Variants in PGCKA1 observed in about 807,000 individuals in gnomAD.
PGCKA1 encodes PDCD10 and GCKIII kinases associated 1.
At chr4:37,464,604 G>T in the PGCKA1 span, among the ~76,000 whole-genome samples, 9 of 152,166 alleles carry the variant, frequency 5.9e-5, no homozygotes, top group African/African-American at 1.9e-4. Flanking sequence ...TGAGGGAGGG[G>T]CTCAAACTAC....
At chr4:37,468,806 TCCAATAGTTAATTC>T in the PGCKA1 span, among the ~76,000 whole-genome samples, 1 of 151,966 alleles carries the variant, frequency 6.6e-6, no homozygotes, top group African/African-American at 2.4e-5. Flanking sequence ...AGTTTTCTTT[TCCAATAGTTAATTC>T]TGTGCGGGTT....
the PGCKA1 span, among the ~76,000 whole-genome samples, chr4:37,519,450 T>C: frequency 1.3e-5 from 2 of 152,178 alleles, no homozygotes; most frequent in African/African-American, 4.8e-5. Context: ...TCACCAATGT[T>C]TTATAGTTTT....
At chr4:37,573,296 A>G in the PGCKA1 span, among the ~76,000 whole-genome samples, 2 of 152,240 alleles carry the variant, frequency 1.3e-5, no homozygotes, top group African/African-American at 4.8e-5. Flanking sequence ...TATTTTATCA[A>G]CATCATCTCT....
the PGCKA1 span, among the ~76,000 whole-genome samples, chr4:37,549,984 G>T: frequency 6.6e-6 from 1 of 152,258 alleles, no homozygotes; most frequent in East Asian, 1.9e-4. Context: ...TCAGACTGAG[G>T]GCTGTTCCTA....
chr4:37,592,627 C>G, the PGCKA1 span, among the ~76,000 whole-genome samples: 1 of 152,168 alleles, frequency 6.6e-6, no homozygotes, highest in African/African-American at 2.4e-5. Context: ...ATGGAAGATG[C>G]TTTAGTTTGG....
the PGCKA1 span, among the ~76,000 whole-genome samples, chr4:37,525,583 T>G: frequency 1.3e-5 from 2 of 152,212 alleles, no homozygotes; most frequent in African/African-American, 4.8e-5. Flanking sequence ...TTCTTTTAGG[T>G]TCTTCTACCA....
chr4:37,522,038 C>T, the PGCKA1 span, among the ~76,000 whole-genome samples: 6 of 152,142 alleles, frequency 3.9e-5, no homozygotes, highest in African/African-American at 1.4e-4. Context: ...GGTATCTCAT[C>T]CCAAGATTCC....
chr4:37,585,011 T>G, the PGCKA1 span, among the ~76,000 whole-genome samples: 3 of 149,046 alleles, frequency 2.0e-5, no homozygotes, highest in Non-Finnish European at 3.0e-5. Context: ...GACTTGTTTT[T>G]TTTTTTTTTT....
the PGCKA1 span, among the ~76,000 whole-genome samples, chr4:37,581,746 G>T: frequency 6.6e-6 from 1 of 152,110 alleles, no homozygotes; most frequent in Non-Finnish European, 1.5e-5. The surrounding 1 kb of genome is among the most constrained non-coding windows in gnomAD (Gnocchi z 4.4). Context: ...TAGCCACTCT[G>T]GTGTCTCAGT....
chr4:37,489,343 G>T, the PGCKA1 span, among the ~76,000 whole-genome samples: 1 of 151,968 alleles, frequency 6.6e-6, no homozygotes, highest in Non-Finnish European at 1.5e-5. Context: ...TCATTTTGGG[G>T]GAAGGAGAGA....
chr4:37,525,955 TGATTA>T, the PGCKA1 span, among the ~76,000 whole-genome samples: 1 of 152,248 alleles, frequency 6.6e-6, no homozygotes, highest in South Asian at 2.1e-4. Context: ...CTGACCTTCC[TGATTA>T]GATACTAGCT....
chr4:37,535,496 G>C, the PGCKA1 span, among the ~76,000 whole-genome samples: 1 of 152,276 alleles, frequency 6.6e-6, no homozygotes, highest in East Asian at 1.9e-4. Flanking sequence ...GAGCCAGGGA[G>C]GGAGGAGCAG....
the PGCKA1 span, among the ~76,000 whole-genome samples, chr4:37,580,305 A>ATTTTTT: frequency 1.5e-3 from 200 of 130,846 alleles, 4 homozygotes; most frequent in African/African-American, 4.0e-3. Context: ...CGGTGAGGTC[A>ATTTTTT]TTTTTTTTTT....
the PGCKA1 span, among the ~76,000 whole-genome samples, chr4:37,466,711 GGAA>G: frequency 6.6e-6 from 1 of 152,246 alleles, no homozygotes; most frequent in South Asian, 2.1e-4. Context: ...GGGAAGTGAG[GGAA>G]GAGGTGTCAA....
At chr4:37,474,212 A>G in the PGCKA1 span, among the ~76,000 whole-genome samples, 3 of 152,102 alleles carry the variant, frequency 2.0e-5, no homozygotes, top group African/African-American at 7.2e-5. Context: ...TTCCTGATAA[A>G]AGGAAGAGTT....
the PGCKA1 span, among the ~76,000 whole-genome samples, chr4:37,487,683 A>G: frequency 1.3e-5 from 2 of 150,896 alleles, no homozygotes; most frequent in East Asian, 4.3e-4. Context: ...GACTGTTCTA[A>G]TTTTTAAAAA....
chr4:37,502,923 G>A, the PGCKA1 span, among the ~76,000 whole-genome samples: 5 of 152,190 alleles, frequency 3.3e-5, no homozygotes, highest in East Asian at 5.8e-4. Context: ...TGCTGAGGTC[G>A]GACTGGCCCT....
At chr4:37,501,004 T>G in the PGCKA1 span, among the ~76,000 whole-genome samples, 47 of 152,280 alleles carry the variant, frequency 3.1e-4, no homozygotes, top group African/African-American at 1.1e-3. Flanking sequence ...AGCCTATGAG[T>G]GTCGTTACAT....
the PGCKA1 span, among the ~76,000 whole-genome samples, chr4:37,559,852 G>A: frequency 6.6e-5 from 10 of 152,098 alleles, no homozygotes; most frequent in African/African-American, 2.4e-4. Context: ...GAACCAGCCT[G>A]GTCCCCTCAC....
Sources: gnomAD v4.1 joint callset for allele counts (sites outside exome capture counted in the v4.1 genomes callset) on GRCh38, gnomAD v4.1.1 for gene constraint, Gnocchi (gnomAD v3.1) non-coding constraint, MANE v1.5 for transcripts, NCBI Gene and HGNC (gene_info 2026-07-23, HGNC 2026-07-21) for gene names.